USP12: variants seen among roughly 807,000 people sequenced by gnomAD.
The protein encoded by USP12 is ubiquitin specific peptidase 12.
A neutral mutation model predicts 45.5 loss-of-function variants in USP12; 19 were observed. That is an observed-to-expected ratio of 0.42 (90% confidence interval 0.29 to 0.61). USP12 has a LOEUF of 0.61. Ranked by LOEUF, USP12 falls within the 20% of genes least tolerant of loss-of-function variation. The probability of loss-of-function intolerance (pLI) is 0.22; values close to 1 mark genes in which losing one functional copy is unlikely to be tolerated. For synonymous variants in USP12, 149 were observed against 148.8 expected (o/e 1.00, Z -0.01); for missense variants, 242 against 447.7 (o/e 0.54, Z 4.15).
intron 1 of USP12, among the ~76,000 whole-genome samples, chr13:27,155,303 G>A (rs1045984669): frequency 2.0e-5 from 3 of 151,674 alleles, no homozygotes; most frequent in African/African-American, 7.3e-5. Flanking sequence ...AGATGGTCTT[G>A]ATCTCCTGAC....
At chr13:27,167,046 A>G (rs1475816834) in intron 1 of USP12, among the ~76,000 whole-genome samples, 2 of 152,192 alleles carry the variant, frequency 1.3e-5, no homozygotes, top group Non-Finnish European at 2.9e-5. Context: ...TTAAAAAGTT[A>G]AATAAAATAT....
rs1873426951 is a variant in USP12 at position 27,075,317 on chromosome 13, T to C, written c.806A>G (p.His269Arg). The C allele has an allele frequency of 1.9e-6, 3 of 1,614,052 alleles. No homozygotes were observed. The highest frequency in any genetic ancestry group is 1.3e-5 in the African/African-American group (1 of 74,934). ...CCGGTAAGAGAGTTTTGTATATCGA[T>C]GAAGTTGATCCATATATTTAAATCT... ...LKRFKYMDQL[H>R]RYTKLSYRVV... Residue 269 changes from histidine to arginine, a missense_variant, in exon 7 of 9, where the codon CAT (histidine) becomes CGT (arginine). Coordinates refer to ENST00000282344, the MANE Select transcript of USP12 (RefSeq NM_182488.4).
chr13:27,154,165 T>G (rs1877709740), intron 1 of USP12, among the ~76,000 whole-genome samples: 1 of 152,168 alleles, frequency 6.6e-6, no homozygotes, highest in Non-Finnish European at 1.5e-5. Context: ...TCTCTAAACC[T>G]CCAAGATTAT....
rs1322498344 is a variant in USP12, at chr13:27,066,456, A to C, written c.*2827T>G. 6.6e-6 allele frequency: 1 copy of C among 152,172 alleles called. No individual in the cohort carries two copies. Among genetic ancestry groups the C allele is most frequent in the Non-Finnish European group, 1.5e-5 (1 of 68,030 alleles). The allele number at this position is 152,172 out of a possible 1,614,324, so 9.4% of individuals were successfully genotyped here. On this transcript the variant is annotated 3_prime_UTR_variant, in exon 9 of 9. Transcript: ENST00000282344. Reference sequence around the variant, plus strand: ...AAGTGTTTTTAAAGAAAGTATCAAGAGTAGTTATGTTATGAAAATGAGGTC... The same window carrying C: ...AAGTGTTTTTAAAGAAAGTATCAAGCGTAGTTATGTTATGAAAATGAGGTC...
intron 6 of USP12, among the ~76,000 whole-genome samples, chr13:27,081,051 T>C (rs1873736069): frequency 6.8e-6 from 1 of 146,990 alleles, no homozygotes; most frequent in South Asian, 2.2e-4. Flanking sequence ...TCTTGCTCTG[T>C]CGCCCAGGCT....
At chr13:27,130,019 A>C (rs932497788) in intron 1 of USP12, among the ~76,000 whole-genome samples, 1 of 152,224 alleles carries the variant, frequency 6.6e-6, no homozygotes, top group Non-Finnish European at 1.5e-5. Context: ...ATCAGACATT[A>C]AACACCCAGG....
rs1873122565 is a variant in USP12, at chr13:27,069,137, T to C, written c.*146A>G. Reference sequence around the variant, plus strand: ...ATGATCGGAAGGGCTTGTCAATCCATCGTCTTTGCTTTATCGTGTGCAAAG... The same window carrying C: ...ATGATCGGAAGGGCTTGTCAATCCACCGTCTTTGCTTTATCGTGTGCAAAG... On this transcript the variant is annotated 3_prime_UTR_variant, in exon 9 of 9. Coordinates refer to ENST00000282344, the MANE Select transcript of USP12 (RefSeq NM_182488.4). The C allele has an allele frequency of 3.0e-6, 2 of 674,416 alleles. No homozygotes were observed. The highest frequency in any genetic ancestry group is 2.6e-5 in the Admixed American group (1 of 37,778). The allele number at this position is 674,416 out of a possible 1,614,324, so 41.8% of individuals were successfully genotyped here. A position where few individuals can be genotyped will look rare whatever the true frequency, so the allele number is the denominator to read the frequency against.
At chr13:27,120,681 T>C (rs1228070229) in intron 1 of USP12, among the ~76,000 whole-genome samples, 1 of 152,134 alleles carries the variant, frequency 6.6e-6, no homozygotes, top group Non-Finnish European at 1.5e-5. Context: ...TAATTTATTT[T>C]TGTCTGAGCA....
intron 4 of USP12, among the ~76,000 whole-genome samples, chr13:27,093,870 C>G (rs1242533767): frequency 6.6e-6 from 1 of 152,140 alleles, no homozygotes; most frequent in Admixed American, 6.5e-5. Flanking sequence ...GTTATCAAGC[C>G]TTAAAAAGAC....
rs1872983493 is a variant in USP12 at position 27,066,192 on chromosome 13, TTTATA to T, written c.*3086_*3090del. 1.3e-5 allele frequency: 2 copies of T among 152,214 alleles called. No individual in the cohort carries two copies. The highest frequency in any genetic ancestry group is 2.9e-5 in the Non-Finnish European group (2 of 68,038). The allele number at this position is 152,214 out of a possible 1,614,324, so 9.4% of individuals were successfully genotyped here. A position where few individuals can be genotyped will look rare whatever the true frequency, so the allele number is the denominator to read the frequency against. On this transcript the variant is annotated 3_prime_UTR_variant, in exon 9 of 9. Coordinates refer to ENST00000282344, the MANE Select transcript of USP12 (RefSeq NM_182488.4). ...CAACTTTAATAGATATTATTTTGTA[TTTATA>T]TAGTGCCTTCTTCAAGAACCTTAAA...
intron 1 of USP12, among the ~76,000 whole-genome samples, chr13:27,171,187 G>A (rs1286292187): frequency 2.0e-5 from 3 of 150,742 alleles, no homozygotes; most frequent in African/African-American, 4.9e-5. Context: ...CCGGCCCGGG[G>A]CCGCGCTCTG....
intron 1 of USP12, among the ~76,000 whole-genome samples, chr13:27,151,011 G>GCATGA (rs1877542141): frequency 6.6e-6 from 1 of 152,064 alleles, no homozygotes; most frequent in South Asian, 2.1e-4. Flanking sequence ...TATAAAATAT[G>GCATGA]ACACCAAAAG....
intron 1 of USP12, among the ~76,000 whole-genome samples, chr13:27,139,479 G>A (rs1034080947): frequency 4.6e-5 from 7 of 152,168 alleles, no homozygotes; most frequent in African/African-American, 9.7e-5. Flanking sequence ...AGCTGGGCAT[G>A]GGGCTGTGCA....
chr13:27,081,038 G>A (rs1873734934), intron 6 of USP12, among the ~76,000 whole-genome samples: 1 of 145,432 alleles, frequency 6.9e-6, no homozygotes, highest in Non-Finnish European at 1.5e-5. Context: ...TTTTGAGACG[G>A]AGTCTTGCTC....
In USP12 at chr13:27,095,737, T is replaced by A; in HGVS notation, c.437A>T (p.Gln146Leu). The change falls in exon 4 of 9, where the codon CAG becomes CTG. Residue 146 changes from glutamine to leucine, a missense_variant. Gln to Leu is a moderately radical substitution (Grantham distance 113). Transcript: ENST00000282344. ...IADILQEERK[Q>L]EKQNGRLPNG... ...AGGTAAACGACCATTTTGTTTTTCC[T>A]GCTTTCTCTCTTCTTGTAAAATATC... The A allele has an allele frequency of 1.2e-6, 2 of 1,613,290 alleles. No homozygotes were observed. The highest frequency in any genetic ancestry group is 1.7e-6 in the Non-Finnish European group (2 of 1,179,610).
intron 6 of USP12, among the ~76,000 whole-genome samples, chr13:27,080,508 C>A (rs932667970): frequency 6.6e-6 from 1 of 152,156 alleles, no homozygotes. Context: ...GGATCTTCTT[C>A]AATACCTGGT....
chr13:27,142,476 T>C (rs1353853466), intron 1 of USP12, among the ~76,000 whole-genome samples: 1 of 152,216 alleles, frequency 6.6e-6, no homozygotes, highest in African/African-American at 2.4e-5. Flanking sequence ...AATTATACCA[T>C]CTTTATGAAA....
chr13:27,076,250 T>C (rs1289328054), intron 6 of USP12, among the ~76,000 whole-genome samples: 3 of 152,122 alleles, frequency 2.0e-5, no homozygotes, highest in African/African-American at 4.8e-5. Context: ...ACAATGTATA[T>C]CCTAGAAAGG....
intron 1 of USP12, among the ~76,000 whole-genome samples, chr13:27,119,943 T>C (rs514128): frequency 0.93 from 141,644 of 152,304 alleles, 66,341 homozygotes; most frequent in Non-Finnish European, 0.98. Flanking sequence ...AGGTTTTCCT[T>C]AACAGAAATG....
Sources: gnomAD v4.1 joint callset for allele counts (sites outside exome capture counted in the v4.1 genomes callset) on GRCh38, gnomAD v4.1.1 for gene constraint, MANE v1.5 for transcripts, NCBI Gene and HGNC (gene_info 2026-07-23, HGNC 2026-07-21) for gene names.